IKBKB: variants seen among roughly 807,000 people sequenced by gnomAD.
The protein encoded by IKBKB is inhibitor of nuclear factor kappa-B kinase subunit beta.
A neutral mutation model predicts 113.6 loss-of-function variants in IKBKB; 42 were observed. That is an observed-to-expected ratio of 0.37 (90% CI 0.29 to 0.48). The LOEUF (loss-of-function observed/expected upper bound fraction) is 0.48, where lower values mean the gene tolerates loss of function less well. IKBKB is among the 20% of genes least tolerant of loss of function. IKBKB has a pLI of 0.99. For synonymous variants in IKBKB, 296 were observed against 361.3 expected (o/e 0.82, Z 2.05); for missense variants, 673 against 939.7 (o/e 0.72, Z 3.71).
At chr8:42,300,046 C>T (rs1479262152) in intron 5 of IKBKB, among the ~76,000 whole-genome samples, 2 of 152,204 alleles carry the variant, frequency 1.3e-5, no homozygotes, top group Non-Finnish European at 2.9e-5. Context: ...ATAGTGGACA[C>T]TCAATAGAGC....
chr8:42,271,719 C>T, intron 1 of IKBKB: 1 of 507,946 alleles, frequency 2.0e-6, no homozygotes, highest in Non-Finnish European at 3.4e-6. Context: ...CACGTGACCT[C>T]GGCGATGCTC....
rs200457807 is a variant in IKBKB, at chr8:42,305,294, C to G, written c.477+19C>G. 2 of 1,544,018 alleles carry G rather than the reference C, an allele frequency of 1.3e-6. No individual in the cohort carries two copies. Among genetic ancestry groups the G allele is most frequent in the Non-Finnish European group, 1.8e-6 (2 of 1,116,764 alleles). On this transcript the variant is annotated intron_variant, in intron 6 of 21. Transcript: ENST00000520810. ...ACAGAGGGTAAGTGACCTCCTGGGA[C>G]TGGGAAAGCCTCAGGTGGGCGTGCC... is the stretch of plus-strand genomic sequence containing the variant.
rs531039935 is a variant in IKBKB at position 42,290,394 on chromosome 8, C to A, written c.318+121C>A. ...GAAGCTTGGGGAGCCCCAGTGACTCCAGCAGGGCTGCTTTGCCTCTCAGAT... is the reference window on the plus strand; with the variant it reads ...GAAGCTTGGGGAGCCCCAGTGACTCAAGCAGGGCTGCTTTGCCTCTCAGAT... On this transcript the variant is annotated intron_variant, in intron 4 of 21. Coordinates refer to ENST00000520810, the MANE Select transcript of IKBKB (RefSeq NM_001556.3). 2.0e-5 allele frequency: 14 copies of A among 708,732 alleles called. No individual in the cohort carries two copies. In the African/African-American group the frequency reaches 2.5e-4, roughly 12 times the overall value. The allele number at this position is 708,732 out of a possible 1,614,324, so 43.9% of individuals were successfully genotyped here.
At chr8:42,285,413 T>C (rs920898384) in intron 2 of IKBKB, among the ~76,000 whole-genome samples, 1 of 151,938 alleles carries the variant, frequency 6.6e-6, no homozygotes, top group Non-Finnish European at 1.5e-5. Context: ...AAAAATTAGC[T>C]GGACACAATG....
intron 2 of IKBKB, among the ~76,000 whole-genome samples, chr8:42,274,181 C>T (rs1808426091): frequency 6.6e-6 from 1 of 151,938 alleles, no homozygotes; most frequent in Admixed American, 6.6e-5. Flanking sequence ...CAGGTGTGCA[C>T]CACCATGCCA....
intron 21 of IKBKB, chr8:42,330,016 GCTCTC>G: frequency 1.0e-6 from 1 of 985,402 alleles, no homozygotes. Context: ...ATCTCTTGCT[GCTCTC>G]CTCCTCCTGG....
At chr8:42,320,457 T>G (rs1227381034) in intron 15 of IKBKB, 1 of 363,828 alleles carries the variant, frequency 2.7e-6, no homozygotes, top group Non-Finnish European at 5.0e-6. Flanking sequence ...GTACTTCATC[T>G]TACTTGACTC....
At chr8:42,283,985 C>T (rs1219101870) in intron 2 of IKBKB, among the ~76,000 whole-genome samples, 2 of 152,186 alleles carry the variant, frequency 1.3e-5, no homozygotes, top group Admixed American at 6.5e-5. Flanking sequence ...GCGGGGCCAT[C>T]GGTCTCTGTT....
At chr8:42,323,186 G>C (rs1048955182) in intron 19 of IKBKB, among the ~76,000 whole-genome samples, 2 of 152,224 alleles carry the variant, frequency 1.3e-5, no homozygotes, top group African/African-American at 4.8e-5. Context: ...GTCATCTCAG[G>C]TTCTCTAAAG....
At chr8:42,309,387 G>A (rs564087398) in intron 8 of IKBKB, 85 of 365,754 alleles carry the variant, frequency 2.3e-4, no homozygotes, top group Middle Eastern at 3.6e-4. Context: ...CACATGACAA[G>A]TCAGGAGGAA....
At chr8:42,330,318 A>G in intron 21 of IKBKB, 1 of 983,418 alleles carries the variant, frequency 1.0e-6, no homozygotes, top group Non-Finnish European at 1.2e-6. Flanking sequence ...AGATTTATTA[A>G]TAAAAGGGTT....
intron 15 of IKBKB, 33 bp from the exon 16 acceptor site, chr8:42,320,702 C>T: frequency 6.4e-7 from 1 of 1,554,206 alleles, no homozygotes; most frequent in South Asian, 1.1e-5. Context: ...GCGCCTACCA[C>T]ATCAGTTGAC....
chr8:42,288,854 C>T (rs778614448), intron 3 of IKBKB, 126 bp downstream of exon 3: 58 of 625,490 alleles, frequency 9.3e-5, no homozygotes, highest in Non-Finnish European at 1.3e-4. Flanking sequence ...AAGGCCAAGG[C>T]GGGCAGATCA....
chr8:42,320,688 G>A (rs1437754332), intron 15 of IKBKB, 47 bp from the exon 16 acceptor site: 2 of 1,494,262 alleles, frequency 1.3e-6, no homozygotes, highest in Non-Finnish European at 1.9e-6. Context: ...TTGCATCTCA[G>A]CATGCGCCTA....
Position 42,316,098 on chromosome 8 carries a change from T to G in IKBKB, c.801-112T>G, listed in dbSNP as rs1818632090. 1.7e-6 allele frequency: 2 copies of G among 1,165,644 alleles called. No homozygotes were observed. The highest frequency in any genetic ancestry group is 2.9e-4 in the Middle Eastern group (1 of 3,460). 72.2% of individuals were successfully genotyped at this position (1,165,644 alleles called of 1,614,324 possible). ...TATACTGTTTCTGATAAACCCATTT[T>G]CATTTTCAATCACCGTCTACTGGCT... is the stretch of plus-strand genomic sequence containing the variant. On this transcript the variant is annotated intron_variant, in intron 9 of 21. Coordinates refer to ENST00000520810, the MANE Select transcript of IKBKB (RefSeq NM_001556.3). This position sits in a 1 kb window ranked among gnomAD's most constrained non-coding sequence, Gnocchi z 4.5.
intron 2 of IKBKB, 199 bp downstream of exon 2, chr8:42,272,404 G>A: frequency 1.6e-6 from 1 of 634,282 alleles, no homozygotes. Context: ...TATTGACTAT[G>A]TCACCTAAAT....
rs1047119810 is a variant in IKBKB at position 42,317,594 on chromosome 8, A to G, written c.1126-63A>G. ...GTGGGGAAAGCTGTGGAACTTCTTCATTATCAGTTAGAAAAGAGAGGGTTG... is the reference window on the plus strand; with the variant it reads ...GTGGGGAAAGCTGTGGAACTTCTTCGTTATCAGTTAGAAAAGAGAGGGTTG... On this transcript the variant is annotated intron_variant, in intron 11 of 21. Transcript: ENST00000520810. 17 of 1,092,560 alleles carry G rather than the reference A, an allele frequency of 1.6e-5. No individual in the cohort carries two copies. The Admixed American group carries it at 2.9e-4, about 19-fold the overall frequency. The allele number at this position is 1,092,560 out of a possible 1,614,324, so 67.7% of individuals were successfully genotyped here. A position where few individuals can be genotyped will look rare whatever the true frequency, so the allele number is the denominator to read the frequency against.
In IKBKB at chr8:42,271,391, T is replaced by G; in HGVS notation, c.-97T>G. On this transcript the variant is annotated 5_prime_UTR_variant, in exon 1 of 22. Coordinates refer to ENST00000520810, the MANE Select transcript of IKBKB (RefSeq NM_001556.3). Reference sequence around the variant, plus strand: ...TTTTAATGTTTTCAGGGGGGTGTCATAGCCCCGGGTTTGGCCGCCCCAGCC... The same window carrying G: ...TTTTAATGTTTTCAGGGGGGTGTCAGAGCCCCGGGTTTGGCCGCCCCAGCC... 7.9e-6 allele frequency: 12 copies of G among 1,512,646 alleles called. No homozygotes were observed. The highest frequency in any genetic ancestry group is 9.8e-6 in the Non-Finnish European group (11 of 1,127,960). 93.7% of individuals were successfully genotyped at this position (1,512,646 alleles called of 1,614,324 possible).
At position 42,319,283 on chromosome 8, in the gene IKBKB, C is replaced by T. The variant is rs1328608491; in HGVS notation, c.1378C>T (p.Arg460Ter). 7 of 1,613,918 alleles carry T rather than the reference C, an allele frequency of 4.3e-6. No individual in the cohort carries two copies. The highest frequency in any genetic ancestry group is 1.3e-5 in the African/African-American group (1 of 74,884). ...TGGTCCCTGCAGGATGAATCTCCTC[C>T]GAAACAACAGCTGCCTCTCCAAAAT... ...GQRAAMMNLL[R>*]NNSCLSKMKN... Residue 460 changes from arginine to a stop codon, truncating the protein, a stop_gained, in exon 14 of 22, where the codon CGA becomes TGA. Coordinates refer to ENST00000520810, the MANE Select transcript of IKBKB (RefSeq NM_001556.3). LOFTEE classifies it high-confidence loss of function.
Sources: gnomAD v4.1 joint callset for allele counts (sites outside exome capture counted in the v4.1 genomes callset) on GRCh38, gnomAD v4.1.1 for gene constraint, Gnocchi (gnomAD v3.1) non-coding constraint, MANE v1.5 for transcripts, NCBI Gene and HGNC (gene_info 2026-07-23, HGNC 2026-07-21) for gene names.